The following CNTNAP2 variants were observed in gnomAD, a reference collection of about 807,000 sequenced individuals.
CNTNAP2 encodes contactin-associated protein-like 2.
Under a neutral mutation model 155.2 loss-of-function variants are expected in CNTNAP2, and 98 were observed. The ratio of observed to expected loss-of-function variants is 0.63; its 90% CI spans 0.54 to 0.75. CNTNAP2 has a LOEUF of 0.75. Ranked by LOEUF, CNTNAP2 falls within the 30% of genes least tolerant of loss-of-function variation. The pLI is 0.00. For synonymous variants in CNTNAP2, 651 were observed against 631.2 expected, an observed-to-expected ratio of 1.03 and a Z score of -0.47; for missense variants, 1,727 against 1,688.1, an observed-to-expected ratio of 1.02 and a Z score of -0.40.
chr7:146,977,143 A>G (rs1394365792), intron 3 of CNTNAP2, among the ~76,000 whole-genome samples: 3 of 152,208 alleles, frequency 2.0e-5, no homozygotes, highest in South Asian at 2.1e-4. Context: ...TATAAAAAAC[A>G]TAAAATAATA....
chr7:146,686,461 T>C (rs2642489), intron 1 of CNTNAP2, among the ~76,000 whole-genome samples: 7,327 of 152,238 alleles, frequency 0.048, 629 homozygotes, highest in African/African-American at 0.17. Flanking sequence ...CCAACAAATA[T>C]TTATTAGGGA....
At chr7:148,182,124 T>A (rs1375505452) in intron 18 of CNTNAP2, among the ~76,000 whole-genome samples, 1 of 152,152 alleles carries the variant, frequency 6.6e-6, no homozygotes, top group African/African-American at 2.4e-5. Context: ...CTGAGTGTTT[T>A]ATTTGTATAT....
intron 12 of CNTNAP2, among the ~76,000 whole-genome samples, chr7:147,577,802 AC>A (rs1800423528): frequency 6.6e-6 from 1 of 151,798 alleles, no homozygotes; most frequent in African/African-American, 2.4e-5. Flanking sequence ...AGAAAGGCTC[AC>A]CCCCTCTGGA....
chr7:147,320,205 T>C (rs1420302746), intron 9 of CNTNAP2, among the ~76,000 whole-genome samples: 1 of 152,190 alleles, frequency 6.6e-6, no homozygotes, highest in Non-Finnish European at 1.5e-5. Flanking sequence ...AAAAGAGTCA[T>C]GGAGCCCCTT....
intron 3 of CNTNAP2, among the ~76,000 whole-genome samples, chr7:147,020,598 T>C (rs957008346): frequency 6.6e-6 from 1 of 152,172 alleles, no homozygotes; most frequent in Non-Finnish European, 1.5e-5. Context: ...TTTGTTGTTA[T>C]TCATATACAC....
chr7:147,632,816 G>A (rs1340227218), intron 12 of CNTNAP2, among the ~76,000 whole-genome samples: 3 of 152,190 alleles, frequency 2.0e-5, no homozygotes, highest in Non-Finnish European at 4.4e-5. Context: ...TGACCAAAAT[G>A]CTGATAGTGA....
intron 21 of CNTNAP2, among the ~76,000 whole-genome samples, chr7:148,279,738 C>T (rs559440112): frequency 6.6e-6 from 1 of 152,236 alleles, no homozygotes; most frequent in South Asian, 2.1e-4. Context: ...TGATAAATGT[C>T]AGAATATATC....
chr7:146,215,521 A>G (rs562734943), intron 1 of CNTNAP2, among the ~76,000 whole-genome samples: 71 of 152,164 alleles, frequency 4.7e-4, no homozygotes, highest in African/African-American at 1.6e-3. Flanking sequence ...CAAAATTGCC[A>G]TTTTATGGAA....
intron 1 of CNTNAP2, among the ~76,000 whole-genome samples, chr7:146,626,562 G>A (rs1017124290): frequency 1.3e-5 from 2 of 152,094 alleles, no homozygotes; most frequent in Non-Finnish European, 2.9e-5. Context: ...TACTGGTAGT[G>A]AGCATATGAT....
At chr7:147,514,472 T>C (rs1292053389) in intron 11 of CNTNAP2, among the ~76,000 whole-genome samples, 1 of 152,040 alleles carries the variant, frequency 6.6e-6, no homozygotes. Flanking sequence ...TTTTTCAAGC[T>C]TTTTAACATA....
intron 3 of CNTNAP2, among the ~76,000 whole-genome samples, chr7:147,029,369 T>C (rs1330770807): frequency 6.6e-6 from 1 of 152,198 alleles, no homozygotes; most frequent in African/African-American, 2.4e-5. Context: ...TACCTCATTA[T>C]CATCAGTGAT....
At chr7:147,571,692 A>T (rs1800297302) in intron 12 of CNTNAP2, among the ~76,000 whole-genome samples, 1 of 152,130 alleles carries the variant, frequency 6.6e-6, no homozygotes. Flanking sequence ...CTCCTATTCT[A>T]TATTAGGGCT....
chr7:146,425,154 T>C (rs1307292233), intron 1 of CNTNAP2, among the ~76,000 whole-genome samples: 2 of 152,178 alleles, frequency 1.3e-5, no homozygotes, highest in African/African-American at 2.4e-5. Flanking sequence ...TTCTCCAAAA[T>C]GATGTTTTTA....
intron 13 of CNTNAP2, among the ~76,000 whole-genome samples, chr7:147,776,265 G>GTT (rs374384682): frequency 0.012 from 1,571 of 135,316 alleles, 90 homozygotes; most frequent in Admixed American, 0.09. Context: ...CAATGGCTGG[G>GTT]TTTTTTTTTT....
chr7:146,401,450 A>G (rs6951901), intron 1 of CNTNAP2, among the ~76,000 whole-genome samples: 2,188 of 152,238 alleles, frequency 0.014, 62 homozygotes, highest in African/African-American at 0.05. Flanking sequence ...GGAGGCTTCT[A>G]TGTTCCCTCA....
chr7:147,480,398 A>T (rs939295559), intron 10 of CNTNAP2, among the ~76,000 whole-genome samples: 4 of 152,208 alleles, frequency 2.6e-5, no homozygotes, highest in African/African-American at 9.6e-5. Context: ...CAAATTAAAT[A>T]TCCTAGCACT....
At chr7:147,134,537 A>G (rs1584747409) in intron 8 of CNTNAP2, among the ~76,000 whole-genome samples, 1 of 151,778 alleles carries the variant, frequency 6.6e-6, no homozygotes, top group African/African-American at 2.4e-5. Flanking sequence ...ACATACACAC[A>G]TACATACATA....
At chr7:147,350,456 T>C (rs1319907890) in intron 9 of CNTNAP2, among the ~76,000 whole-genome samples, 1 of 151,924 alleles carries the variant, frequency 6.6e-6, no homozygotes, top group East Asian at 1.9e-4. Context: ...CCATAAATAA[T>C]GTATGATTCT....
intron 1 of CNTNAP2, among the ~76,000 whole-genome samples, chr7:146,548,210 A>T (rs995474784): frequency 6.6e-6 from 1 of 151,952 alleles, no homozygotes; most frequent in African/African-American, 2.4e-5. Context: ...AAGTGAGAAC[A>T]TGTGGTATTT....
Sources: allele counts gnomAD v4.1 joint callset (sites outside exome capture counted in the v4.1 genomes callset), GRCh38; gene constraint gnomAD v4.1.1; transcripts MANE v1.5; gene names NCBI Gene and HGNC (gene_info 2026-07-23, HGNC 2026-07-21).